MAF: variants seen among roughly 807,000 people sequenced by gnomAD.
MAF encodes the protein MAF bZIP transcription factor.
In MAF, 10 loss-of-function variants were observed where a neutral mutation model predicts 22.0. The observed-to-expected ratio is 0.45, with a 90% CI of 0.28 to 0.77. MAF has a LOEUF of 0.77. Ranked by LOEUF, MAF falls within the 30% of genes least tolerant of loss-of-function variation. The pLI, the probability that MAF is intolerant of heterozygous loss-of-function variation, is 0.12. For missense variants in MAF, 544 were observed against 548.4 expected (o/e 0.99, Z 0.08); for synonymous variants, 337 against 255.8 (o/e 1.32, Z -3.03).
the MAF span, among the ~76,000 whole-genome samples, chr16:79,323,902 C>T: frequency 2.0e-5 from 3 of 152,138 alleles, no homozygotes; most frequent in Admixed American, 6.5e-5. Flanking sequence ...TTATTGCCTA[C>T]GGCGGGGTCA....
chr16:79,401,892 G>A, the MAF span, among the ~76,000 whole-genome samples: 1 of 152,156 alleles, frequency 6.6e-6, no homozygotes, highest in South Asian at 2.1e-4. Context: ...CTGGCTCCAG[G>A]CCTGCCGCAT....
chr16:79,420,290 C>G, the MAF span, among the ~76,000 whole-genome samples: 2 of 152,076 alleles, frequency 1.3e-5, no homozygotes, highest in Non-Finnish European at 2.9e-5. Context: ...TTTGTGGGCA[C>G]GAGGCCAACG....
At chr16:79,314,007 CT>C in the MAF span, among the ~76,000 whole-genome samples, 1 of 152,168 alleles carries the variant, frequency 6.6e-6, no homozygotes, top group Non-Finnish European at 1.5e-5. Context: ...AATACAGCAG[CT>C]TTTGGTGGAC....
chr16:79,530,032 C>T, the MAF span, among the ~76,000 whole-genome samples: 2 of 152,028 alleles, frequency 1.3e-5, no homozygotes, highest in Non-Finnish European at 2.9e-5. Context: ...TATCAAGTGT[C>T]AGGAGAGTAA....
the MAF span, among the ~76,000 whole-genome samples, chr16:79,270,040 G>GC: frequency 6.6e-6 from 1 of 151,800 alleles, no homozygotes; most frequent in Non-Finnish European, 1.5e-5. Context: ...TTGCAATCCT[G>GC]TTTTTTTCAT....
chr16:79,291,172 G>A, the MAF span, among the ~76,000 whole-genome samples: 1 of 152,178 alleles, frequency 6.6e-6, no homozygotes, highest in Non-Finnish European at 1.5e-5. Context: ...CTGCTGGTCT[G>A]CTTCAAGCTC....
the MAF span, among the ~76,000 whole-genome samples, chr16:79,325,403 A>T: frequency 6.6e-6 from 1 of 152,084 alleles, no homozygotes; most frequent in Non-Finnish European, 1.5e-5. Flanking sequence ...CAGCTGTGTG[A>T]CTCAGGTATG....
chr16:79,430,921 G>T, the MAF span, among the ~76,000 whole-genome samples: 2 of 152,166 alleles, frequency 1.3e-5, no homozygotes, highest in Non-Finnish European at 2.9e-5. Flanking sequence ...CAAGAACTTG[G>T]GTTGGGGCAG....
At chr16:79,586,472 C>G (rs147082728) in intron 1 of MAF, among the ~76,000 whole-genome samples, 2,113 of 152,316 alleles carry the variant, frequency 0.014, 21 homozygotes, top group Middle Eastern at 0.02. Context: ...TGCAAATGTT[C>G]TTTTAACAAA....
the MAF span, among the ~76,000 whole-genome samples, chr16:79,233,932 C>T: frequency 2.0e-5 from 3 of 148,076 alleles, no homozygotes; most frequent in Admixed American, 6.8e-5. Flanking sequence ...GCGGAGGTTG[C>T]GGTGAGCCGA....
the MAF span, among the ~76,000 whole-genome samples, chr16:79,556,564 G>A: frequency 2.0e-5 from 3 of 152,298 alleles, no homozygotes; most frequent in East Asian, 3.9e-4. Flanking sequence ...TTTGTTGGTG[G>A]TATTTTCTGA....
the MAF span, among the ~76,000 whole-genome samples, chr16:79,325,781 A>G: frequency 6.6e-6 from 1 of 152,248 alleles, no homozygotes; most frequent in Non-Finnish European, 1.5e-5. Flanking sequence ...TGTCTTATTC[A>G]TCAAAGGAAT....
the MAF span, among the ~76,000 whole-genome samples, chr16:79,376,530 CT>C: frequency 6.6e-6 from 1 of 151,326 alleles, no homozygotes; most frequent in Non-Finnish European, 1.5e-5. Context: ...TATTTTTTTT[CT>C]TTTTTTAAAT....
At chr16:79,230,277 G>C in the MAF span, among the ~76,000 whole-genome samples, 1 of 152,074 alleles carries the variant, frequency 6.6e-6, no homozygotes, top group Admixed American at 6.6e-5. Flanking sequence ...CCTTTCACCC[G>C]GCTAAGGCAG....
chr16:79,242,142 T>A, the MAF span, among the ~76,000 whole-genome samples: 3 of 151,370 alleles, frequency 2.0e-5, no homozygotes, highest in Middle Eastern at 3.4e-3. Context: ...AACTAACAAA[T>A]ATAACCACCT....
At chr16:79,314,729 G>A in the MAF span, among the ~76,000 whole-genome samples, 1 of 152,140 alleles carries the variant, frequency 6.6e-6, no homozygotes, top group East Asian at 1.9e-4. Context: ...ATTGCTTAAG[G>A]GCCTCTAGAA....
chr16:79,520,742 G>C, the MAF span, among the ~76,000 whole-genome samples: 1 of 152,112 alleles, frequency 6.6e-6, no homozygotes, highest in African/African-American at 2.4e-5. Context: ...TAGTCTACCT[G>C]CTAGAGTGTA....
the MAF span, among the ~76,000 whole-genome samples, chr16:79,480,174 G>A: frequency 2.0e-5 from 3 of 152,024 alleles, no homozygotes; most frequent in Admixed American, 2.0e-4. Context: ...CACAGTAAAC[G>A]CGTGAGTATC....
At chr16:79,455,006 G>T in the MAF span, among the ~76,000 whole-genome samples, 2 of 151,712 alleles carry the variant, frequency 1.3e-5, no homozygotes, top group Non-Finnish European at 1.5e-5. Flanking sequence ...TGAGGCAGGA[G>T]AATCACTTGG....
Sources: allele counts gnomAD v4.1 joint callset (sites outside exome capture counted in the v4.1 genomes callset), GRCh38; gene constraint gnomAD v4.1.1; transcripts MANE v1.5; gene names NCBI Gene and HGNC (gene_info 2026-07-23, HGNC 2026-07-21).